Variants in PLXNC1 observed in about 807,000 individuals in gnomAD.
PLXNC1 encodes plexin C1.
In PLXNC1, 75 loss-of-function variants were observed where a neutral mutation model predicts 178.2. The observed-to-expected ratio is 0.42, with a 90% CI of 0.35 to 0.51. PLXNC1 has a LOEUF of 0.51. Among genes scored for constraint, PLXNC1 ranks in the 20% least tolerant of loss-of-function variants. PLXNC1 has a pLI of 0.02. For missense variants in PLXNC1, 1,503 were observed against 1,984.4 expected (o/e 0.76, Z 4.61); for synonymous variants, 790 against 779.9 (o/e 1.01, Z -0.22).
At chr12:94,242,410 G>C (rs772755638) in intron 11 of PLXNC1, among the ~76,000 whole-genome samples, 11 of 144,770 alleles carry the variant, frequency 7.6e-5, no homozygotes, top group Admixed American at 1.4e-4. Flanking sequence ...CCAGATTCAA[G>C]TGATTCTCCT....
chr12:94,262,759 G>A (rs768577225), intron 20 of PLXNC1: 11 of 985,306 alleles, frequency 1.1e-5, no homozygotes, highest in Middle Eastern at 5.2e-4. Context: ...CTCCGTGACC[G>A]CCAGGTAACT....
At chr12:94,258,082 G>A (rs1359297413) in intron 17 of PLXNC1, among the ~76,000 whole-genome samples, 3 of 150,776 alleles carry the variant, frequency 2.0e-5, no homozygotes, top group Admixed American at 2.0e-4. Context: ...AGCCGAGATC[G>A]CGCCACTGCA....
chr12:94,298,873 A>G (rs1968190300), intron 27 of PLXNC1, 78 bp downstream of exon 27: 1 of 1,351,074 alleles, frequency 7.4e-7, no homozygotes. Context: ...ATAGATAGTT[A>G]TAGAAGGATT....
At chr12:94,249,928 T>TGTGGGGGGG (rs1555203483) in intron 14 of PLXNC1, among the ~76,000 whole-genome samples, 22 of 81,616 alleles carry the variant, frequency 2.7e-4, no homozygotes, top group East Asian at 8.2e-4. Flanking sequence ...AAAGCACCAG[T>TGTGGGGGGG]GTGGGGGGGT....
intron 4 of PLXNC1, among the ~76,000 whole-genome samples, chr12:94,188,479 A>G (rs1962602383): frequency 1.3e-5 from 2 of 151,910 alleles, no homozygotes; most frequent in South Asian, 2.1e-4. Flanking sequence ...ACGTGCCACC[A>G]TGCCCGACTA....
chr12:94,260,530 T>G lies in PLXNC1; in HGVS notation c.3252-112T>G. 1 of 493,108 alleles carries G rather than the reference T, an allele frequency of 2.0e-6. No homozygotes were observed. The highest frequency in any genetic ancestry group is 3.5e-6 in the Non-Finnish European group (1 of 287,730). The allele number at this position is 493,108 out of a possible 1,614,324, so 30.5% of individuals were successfully genotyped here. On this transcript the variant is annotated intron_variant, in intron 19 of 30. Transcript: ENST00000258526. This position sits in a 1 kb window ranked among gnomAD's most constrained non-coding sequence, Gnocchi z 4.4. ...ACATTAAAAAAAAAAAAAAAAAAGC[T>G]CCCAACCCAACAGGCCAGCTCCCTG...
intron 4 of PLXNC1, 170 bp downstream of exon 4, chr12:94,186,643 C>T (rs1329750969): frequency 1.1e-5 from 6 of 564,250 alleles, no homozygotes; most frequent in Admixed American, 2.6e-5. Context: ...GTGTTTCCAG[C>T]GGCGTCCGTG....
Position 94,275,763 on chromosome 12 carries a change from G to A in PLXNC1, c.3598-3709G>A, listed in dbSNP as rs1490826818. ...CCAGCTACTTGGGAGGCTGAGGCAG[G>A]AGAATGGCGTGAACCCGGGAGGCGG... is the stretch of plus-strand genomic sequence containing the variant. On this transcript the variant is annotated intron_variant, in intron 21 of 30. Transcript: ENST00000258526. Among the ~76,000 whole-genome samples the A allele has an allele frequency of 1.2e-4, 15 of 125,068 alleles. 2 individuals carry two copies. In the Admixed American group the frequency reaches 1.3e-3, roughly 11 times the overall value. The allele number at this position is 125,068 out of a possible 152,430, so 82.0% of individuals were successfully genotyped here.
At chr12:94,248,203 C>T (rs1351341687) in intron 13 of PLXNC1, 24 bp from the exon 14 acceptor site, 1 of 1,601,954 alleles carries the variant, frequency 6.2e-7, no homozygotes, top group Non-Finnish European at 8.5e-7. Context: ...TCTGATTTCT[C>T]CATCTTCATT....
Position 94,260,067 on chromosome 12 carries a change from T to TTTG in PLXNC1, c.3251+346_3251+348dup, listed in dbSNP as rs1197931691. ...GATCATACCACCCCAACACAATTTT[T>TTTG]TTGTTGTTGTTGTTGGAGTCTCACT... is the stretch of plus-strand genomic sequence containing the variant. On this transcript the variant is annotated intron_variant, in intron 19 of 30. Coordinates refer to ENST00000258526, the MANE Select transcript of PLXNC1 (RefSeq NM_005761.3). This position sits in a 1 kb window ranked among gnomAD's most constrained non-coding sequence, Gnocchi z 4.4. 2.0e-5 allele frequency among the ~76,000 whole-genome samples: 3 copies of TTTG among 152,134 alleles called. No homozygotes were observed. The highest frequency in any genetic ancestry group is 4.8e-5 in the African/African-American group (2 of 41,424).
At chr12:94,282,260 T>C in intron 22 of PLXNC1, 38 bp from the exon 23 acceptor site, 1 of 1,427,948 alleles carries the variant, frequency 7.0e-7, no homozygotes, top group Middle Eastern at 1.8e-4. Flanking sequence ...GGTGGCATTT[T>C]AAAACTCTCT....
intron 23 of PLXNC1, among the ~76,000 whole-genome samples, chr12:94,284,007 C>T (rs902731808): frequency 1.3e-5 from 2 of 149,330 alleles, no homozygotes; most frequent in Non-Finnish European, 3.0e-5. Flanking sequence ...TGCTTGAACC[C>T]GGGAGGCGGA....
At chr12:94,303,924 A>G (rs765636127) in intron 29 of PLXNC1, 28 bp downstream of exon 29, 2 of 1,607,832 alleles carry the variant, frequency 1.2e-6, no homozygotes, top group Admixed American at 3.4e-5. Context: ...AAATAAGCTT[A>G]TATTTGGTTA....
chr12:94,253,855 G>A (rs1009709022), intron 15 of PLXNC1, among the ~76,000 whole-genome samples: 1 of 151,686 alleles, frequency 6.6e-6, no homozygotes, highest in Non-Finnish European at 1.5e-5. Context: ...CTATTTTTTT[G>A]TAGAGACAGA....
chr12:94,277,816 C>CGTGCT (rs1565850678), intron 21 of PLXNC1: 1 of 387,682 alleles, frequency 2.6e-6, no homozygotes, highest in East Asian at 7.3e-5. Context: ...AGCCTGGCCC[C>CGTGCT]GTGCTAAGCC....
intron 10 of PLXNC1, among the ~76,000 whole-genome samples, chr12:94,238,148 T>C (rs1351677701): frequency 6.6e-6 from 1 of 152,102 alleles, no homozygotes; most frequent in Non-Finnish European, 1.5e-5. Flanking sequence ...CTTGGAAAAA[T>C]AGTTGAGTAC....
rs1186099010 is a variant in PLXNC1 at position 94,148,968 on chromosome 12, C to A, written c.-4C>A. The A allele has an allele frequency of 2.9e-6, 4 of 1,355,938 alleles. No individual in the cohort carries two copies. The highest frequency in any genetic ancestry group is 3.8e-6 in the Non-Finnish European group (4 of 1,045,606). 84.0% of individuals were successfully genotyped at this position (1,355,938 alleles called of 1,614,324 possible). A position where few individuals can be genotyped will look rare whatever the true frequency, so the allele number is the denominator to read the frequency against. ...CCCTGCCCGGGGGCGGCCCCCCCAG[C>A]CCCATGGAGGTCTCCCGGAGGAAGG... On this transcript the variant is annotated 5_prime_UTR_variant, in exon 1 of 31. Coordinates refer to ENST00000258526, the MANE Select transcript of PLXNC1 (RefSeq NM_005761.3). The surrounding 1 kb of genome is among the most constrained non-coding windows in gnomAD (Gnocchi z 4.8).
intron 5 of PLXNC1, among the ~76,000 whole-genome samples, chr12:94,215,525 A>G (rs1239795045): frequency 6.6e-6 from 1 of 151,682 alleles, no homozygotes; most frequent in African/African-American, 2.4e-5. Context: ...CAATTTAGGC[A>G]AGACCACTCC....
At chr12:94,255,169 T>G (rs2291326) in intron 16 of PLXNC1, 24 bp from the exon 17 acceptor site, 16 of 1,553,868 alleles carry the variant, frequency 1.0e-5, no homozygotes, top group Non-Finnish European at 1.4e-5. Context: ...GTTAAAATAT[T>G]GCTCTTGGGA....
Sources: allele counts gnomAD v4.1 joint callset (sites outside exome capture counted in the v4.1 genomes callset), GRCh38; gene constraint gnomAD v4.1.1; non-coding constraint Gnocchi (gnomAD v3.1); transcripts MANE v1.5; gene names NCBI Gene and HGNC (gene_info 2026-07-23, HGNC 2026-07-21).